ZNF624: variants seen among roughly 807,000 people sequenced by gnomAD.
The protein encoded by ZNF624 is zinc finger protein 624.
Under a neutral mutation model 74.7 loss-of-function variants are expected in ZNF624, and 43 were observed. The ratio of observed to expected loss-of-function variants is 0.58; its 90% CI spans 0.45 to 0.74. The LOEUF is 0.74. Ranked by LOEUF, ZNF624 falls within the 30% of genes least tolerant of loss-of-function variation. The pLI, the probability that ZNF624 is intolerant of heterozygous loss-of-function variation, is 0.00. For synonymous variants in ZNF624, 331 were observed against 341.3 expected (o/e 0.97, Z 0.33); for missense variants, 820 against 1,030.0 (o/e 0.80, Z 2.79).
At chr17:16,614,484 A>G in the ZNF624 span, among the ~76,000 whole-genome samples, 28 of 152,198 alleles carry the variant, frequency 1.8e-4, no homozygotes, top group Non-Finnish European at 3.5e-4. Context: ...TGTACACAAG[A>G]GATATAAAAT....
rs1908929371 is a variant in ZNF624 at position 16,622,121 on chromosome 17, A to G, written c.*167T>C. 4.2e-6 allele frequency: 2 copies of G among 475,360 alleles called. No homozygotes were observed. Among genetic ancestry groups the G allele is most frequent in the South Asian group, 6.6e-5 (1 of 15,104 alleles). 29.4% of individuals were successfully genotyped at this position (475,360 alleles called of 1,614,324 possible). A position where few individuals can be genotyped will look rare whatever the true frequency, so the allele number is the denominator to read the frequency against. ...ATTTTCCTCTAGTGAGAGTTTCCTT[A>G]TAACTTCTAAGATTTAATATTATTA... On this transcript the variant is annotated 3_prime_UTR_variant, in exon 6 of 6. Transcript: ENST00000311331.
chr17:16,624,417 C>T lies in ZNF624; in HGVS notation c.469G>A (p.Glu157Lys), dbSNP rs1396275241. The change falls in exon 6 of 6, where the codon GAG becomes AAG. Residue 157 changes from glutamate to lysine, a missense_variant. Transcript: ENST00000311331. Reference sequence around the variant, plus strand: ...ATTCTGGAATCCCACAGACCATTCTCTGTAAGTTTCTCTAGTATGGCCTCC... The same window carrying T: ...ATTCTGGAATCCCACAGACCATTCTTTGTAAGTTTCTCTAGTATGGCCTCC... ...SQEAILEKLTENGLWDSRMEG... is the reference protein window; with the variant it reads ...SQEAILEKLTKNGLWDSRMEG... 1 of 1,613,356 alleles carries T rather than the reference C, an allele frequency of 6.2e-7. No homozygotes were observed. Among genetic ancestry groups the T allele is most frequent in the Admixed American group, 1.7e-5 (1 of 59,830 alleles).
intron 1 of ZNF624, among the ~76,000 whole-genome samples, chr17:16,653,393 T>C (rs1909774943): frequency 6.6e-6 from 1 of 152,360 alleles, no homozygotes; most frequent in South Asian, 2.1e-4. Flanking sequence ...CCTCAGGGCC[T>C]GCAAGGCGCG....
Position 16,624,246 on chromosome 17 carries a change from C to T in ZNF624, c.640G>A (p.Gly214Ser). The change falls in exon 6 of 6, where the codon GGC becomes AGC. Residue 214 changes from glycine to serine, a missense_variant. Physicochemically the swap from Gly to Ser is moderately conservative, Grantham distance 56. Transcript: ENST00000311331. ...CTGTGAAGCTCTTCTGTGGCAATGC[C>T]TGGTTCTGGAATAAGAATAGATTCA... ...RFESILIPEP[G>S]IATEELHSRC... is the part of the protein sequence containing the mutation. The T allele has an allele frequency of 6.2e-7, 1 of 1,614,200 alleles. No individual in the cohort carries two copies. Among genetic ancestry groups the T allele is most frequent in the Non-Finnish European group, 8.5e-7 (1 of 1,180,040 alleles).
downstream of ZNF624, among the ~76,000 whole-genome samples, chr17:16,619,347 A>G (rs994617921): frequency 2.0e-5 from 3 of 152,232 alleles, no homozygotes; most frequent in Non-Finnish European, 4.4e-5. Context: ...ATCATAAAGA[A>G]AAGTTATTAT....
intron 5 of ZNF624, among the ~76,000 whole-genome samples, chr17:16,627,548 G>A (rs779248514): frequency 4.6e-5 from 7 of 152,148 alleles, no homozygotes; most frequent in Admixed American, 1.3e-4. Context: ...AACAATCCTG[G>A]TATTTGGTGC....
chr17:16,644,311 A>G (rs1280622147), intron 3 of ZNF624, among the ~76,000 whole-genome samples: 1 of 152,234 alleles, frequency 6.6e-6, no homozygotes, highest in African/African-American at 2.4e-5. Flanking sequence ...TTGTGAAAGT[A>G]AATTCACTTA....
downstream of ZNF624, among the ~76,000 whole-genome samples, chr17:16,616,279 C>T (rs1300678296): frequency 1.1e-4 from 16 of 152,008 alleles, no homozygotes; most frequent in East Asian, 2.7e-3. Flanking sequence ...GCCTTGTTTA[C>T]ACTAAAGTAG....
downstream of ZNF624, chr17:16,616,737 T>C (rs969692767): frequency 3.2e-5 from 20 of 628,184 alleles, 1 homozygote; most frequent in African/African-American, 3.2e-4. Flanking sequence ...TGTGTGCCCC[T>C]GTTTTCAAGA....
At chr17:16,648,096 C>T (rs549722830) in intron 2 of ZNF624, among the ~76,000 whole-genome samples, 13 of 151,664 alleles carry the variant, frequency 8.6e-5, no homozygotes, top group South Asian at 8.4e-4. Flanking sequence ...CCACCATGTC[C>T]GGCTAATTTT....
At chr17:16,628,018 G>C (rs1462541475) in intron 5 of ZNF624, among the ~76,000 whole-genome samples, 3 of 152,138 alleles carry the variant, frequency 2.0e-5, no homozygotes, top group African/African-American at 7.2e-5. Context: ...CCAGCACTTT[G>C]AAAGGCCAAC....
At chr17:16,645,139 C>G (rs1909557171) in intron 3 of ZNF624, among the ~76,000 whole-genome samples, 1 of 152,144 alleles carries the variant, frequency 6.6e-6, no homozygotes, top group Admixed American at 6.6e-5. Context: ...CCTCCTTCGT[C>G]AAGATTATAT....
At position 16,622,225 on chromosome 17, in the gene ZNF624, T is replaced by C. The variant is rs779037312; in HGVS notation, c.*63A>G. ...CCTAATGAAGATTTTCCTATATTCATAAAATATAGTTTATAAGATTCATCT... is the reference window on the plus strand; with the variant it reads ...CCTAATGAAGATTTTCCTATATTCACAAAATATAGTTTATAAGATTCATCT... On this transcript the variant is annotated 3_prime_UTR_variant, in exon 6 of 6. Coordinates refer to ENST00000311331, the MANE Select transcript of ZNF624 (RefSeq NM_020787.4). 2.9e-5 allele frequency: 37 copies of C among 1,284,350 alleles called. No homozygotes were observed. The highest frequency in any genetic ancestry group is 3.8e-5 in the Non-Finnish European group (36 of 953,104). 79.6% of individuals were successfully genotyped at this position (1,284,350 alleles called of 1,614,324 possible).
Position 16,622,819 on chromosome 17 carries a change from C to T in ZNF624, c.2067G>A (p.Arg689=), listed in dbSNP as rs1256344185. Residue 689 remains arginine, a synonymous_variant, in exon 6 of 6, where the codon AGG becomes AGA. Transcript: ENST00000311331. ...NTSQLTVHQR[R]HTGEKPYKCN... ...ATTTATAGGGCTTCTCTCCAGTATG[C>T]CTTCGTTGGTGCACGGTAAGCTGTG... 1 of 1,613,664 alleles carries T rather than the reference C, an allele frequency of 6.2e-7. No homozygotes were observed. Among genetic ancestry groups the T allele is most frequent in the Non-Finnish European group, 8.5e-7 (1 of 1,179,946 alleles).
intron 2 of ZNF624, among the ~76,000 whole-genome samples, chr17:16,648,286 C>T (rs758025066): frequency 3.3e-5 from 5 of 152,150 alleles, no homozygotes; most frequent in Non-Finnish European, 7.3e-5. Context: ...TTTTACTTTA[C>T]CTTCTAGTTG....
rs1909617150 is a variant in ZNF624 at position 16,647,343 on chromosome 17, T to C, written c.139A>G (p.Thr47Ala). The C allele has an allele frequency of 1.2e-6, 2 of 1,613,996 alleles. No individual in the cohort carries two copies. The highest frequency in any genetic ancestry group is 1.3e-5 in the African/African-American group (1 of 74,946). Residue 47 changes from threonine to alanine, a missense_variant, in exon 3 of 6, where the codon ACA becomes GCA. Coordinates refer to ENST00000311331, the MANE Select transcript of ZNF624 (RefSeq NM_020787.4). ...GTAGGTATTACCTTTACCAATTGTG[T>C]TTCTTCTGCCTGAAGGTGAAGATCT... ...DEDLHLQAEE[T>A]QLVKESVTFK...
At chr17:16,620,128 G>A (rs986643794), downstream of ZNF624, among the ~76,000 whole-genome samples, 1 of 152,104 alleles carries the variant, frequency 6.6e-6, no homozygotes, top group Non-Finnish European at 1.5e-5. Context: ...ATCGTGAAAG[G>A]GTATTTGATC....
chr17:16,653,312 A>C (rs1359265755), intron 1 of ZNF624, among the ~76,000 whole-genome samples: 1 of 130,862 alleles, frequency 7.6e-6, no homozygotes, highest in Non-Finnish European at 1.8e-5. Flanking sequence ...CAGAAGCCAG[A>C]GCGGATATGC....
At chr17:16,624,682 C>G (rs775207870) in intron 5 of ZNF624, 173 bp from the exon 6 acceptor site, 281 of 586,928 alleles carry the variant, frequency 4.8e-4, no homozygotes, top group Non-Finnish European at 7.0e-4. Context: ...GCTGGTTTAG[C>G]AAAAACTAAA....
Sources: allele counts gnomAD v4.1 joint callset (sites outside exome capture counted in the v4.1 genomes callset), GRCh38; gene constraint gnomAD v4.1.1; transcripts MANE v1.5; gene names NCBI Gene and HGNC (gene_info 2026-07-23, HGNC 2026-07-21).